Variants in MAPK8IP3 observed in about 807,000 individuals in gnomAD.
MAPK8IP3 encodes the protein mitogen-activated protein kinase 8 interacting protein 3.
A neutral mutation model predicts 157.8 loss-of-function variants in MAPK8IP3; 49 were observed. The observed-to-expected ratio is 0.31, with a 90% confidence interval of 0.25 to 0.39. MAPK8IP3 has a LOEUF of 0.39. Among genes scored for constraint, MAPK8IP3 ranks in the 10% least tolerant of loss-of-function variants. MAPK8IP3 has a pLI of 1.00. For missense variants in MAPK8IP3, 1,478 were observed against 1,889.4 expected (o/e 0.78, Z 4.04); for synonymous variants, 897 against 777.7 (o/e 1.15, Z -2.55).
In MAPK8IP3 at chr16:1,767,311, AGG is replaced by A. The variant is rs761438900; in HGVS notation, c.3237+16_3237+17del. The A allele has an allele frequency of 8.7e-6, 14 of 1,612,518 alleles. No homozygotes were observed. In the South Asian group the frequency reaches 9.9e-5, roughly 11 times the overall value. On this transcript the variant is annotated intron_variant, in intron 26 of 31. Transcript: ENST00000610761. Reference sequence around the variant, plus strand: ...ATGCAGATAGAGGCGAGTGCCGGCCAGGGCCCCGGGGAGGGGAAGAGGCTCCT... The same window carrying A: ...ATGCAGATAGAGGCGAGTGCCGGCCAGCCCCGGGGAGGGGAAGAGGCTCCT...
At chr16:1,765,273 G>A (rs1316443594) in intron 20 of MAPK8IP3, 95 bp downstream of exon 20, 34 of 1,390,720 alleles carry the variant, frequency 2.4e-5, no homozygotes, top group Non-Finnish European at 3.1e-5. Flanking sequence ...GCCTTCTCGG[G>A]GTGTCCTGTG....
chr16:1,755,969 TA>T (rs760592243), intron 8 of MAPK8IP3, among the ~76,000 whole-genome samples: 3 of 151,896 alleles, frequency 2.0e-5, no homozygotes, highest in Non-Finnish European at 2.9e-5. Context: ...ACTTTTTCCC[TA>T]AAAGATTGAA....
rs376826067 is a variant in MAPK8IP3 at position 1,748,582 on chromosome 16, C to T, written c.1098-20C>T. On this transcript the variant is annotated intron_variant, in intron 7 of 31. Transcript: ENST00000610761. The stretch of plus-strand genomic sequence containing the variant: ...TGCCCACTGACTCTGCTCTCTCTCC[C>T]GACCTGTGGATCCCAACAGCCCAAC... 15 of 1,594,830 alleles carry T rather than the reference C, an allele frequency of 9.4e-6. No individual in the cohort carries two copies. In the East Asian group the frequency reaches 1.1e-4, roughly 12 times the overall value.
intron 12 of MAPK8IP3, among the ~76,000 whole-genome samples, chr16:1,761,017 G>T (rs2041902292): frequency 6.6e-6 from 1 of 152,230 alleles, no homozygotes; most frequent in African/African-American, 2.4e-5. Flanking sequence ...CACTCATGCA[G>T]CAGTGGCTCA....
chr16:1,762,001 C>T (rs555018789), intron 13 of MAPK8IP3, among the ~76,000 whole-genome samples: 3 of 152,280 alleles, frequency 2.0e-5, no homozygotes, highest in Admixed American at 1.3e-4. Flanking sequence ...CCTGGGGACT[C>T]GCCGGCTGTT....
intron 4 of MAPK8IP3, among the ~76,000 whole-genome samples, chr16:1,731,456 T>C (rs564108266): frequency 8.5e-5 from 13 of 152,326 alleles, no homozygotes; most frequent in African/African-American, 1.4e-4. Flanking sequence ...TGCTCTGCCC[T>C]CCTCTTCACC....
chr16:1,762,621 G>A, intron 14 of MAPK8IP3, 54 bp from the exon 15 acceptor site: 10 of 1,544,248 alleles, frequency 6.5e-6, no homozygotes, highest in Non-Finnish European at 8.7e-6. Context: ...GAGAGTCGCA[G>A]GTAAGGGAGG....
intron 10 of MAPK8IP3, among the ~76,000 whole-genome samples, chr16:1,759,603 G>A (rs997349007): frequency 5.9e-5 from 9 of 152,154 alleles, no homozygotes; most frequent in Non-Finnish European, 8.8e-5. Flanking sequence ...TCCCCTCACC[G>A]CAGCTCCAAC....
Position 1,765,177 on chromosome 16 carries a change from C to A in MAPK8IP3, c.2445C>A (p.Pro815=). 1 of 1,588,768 alleles carries A rather than the reference C, an allele frequency of 6.3e-7. No individual in the cohort carries two copies. The highest frequency in any genetic ancestry group is 2.3e-5 in the East Asian group (1 of 43,992). The change falls in exon 20 of 32, where the codon CCC becomes CCA. Residue 815 remains proline, a splice_region_variant and synonymous_variant. Transcript: ENST00000610761. ...NAHVLCISSI[P]AASDSDYPPG... Reference sequence around the variant, plus strand: ...ACGTGCTGTGCATCTCCAGCATCCCCGGTGAGCAGCTGGAGTGGGCGTTTC... The same window carrying A: ...ACGTGCTGTGCATCTCCAGCATCCCAGGTGAGCAGCTGGAGTGGGCGTTTC...
chr16:1,762,647 A>AGGTT (rs2042019573), intron 14 of MAPK8IP3, 28 bp from the exon 15 acceptor site: 3 of 1,541,932 alleles, frequency 1.9e-6, no homozygotes, highest in Admixed American at 1.9e-5. Flanking sequence ...GGGCACTAGC[A>AGGTT]GGTTGCTCCC....
rs1006689331 is a variant in MAPK8IP3, at chr16:1,710,623, G to A, written c.318+3966G>A. On this transcript the variant is annotated intron_variant, in intron 1 of 31. Transcript: ENST00000610761. The surrounding 1 kb of genome is among the most constrained non-coding windows in gnomAD (Gnocchi z 4.1). ...TTTTCCTTCTTTTTTTCTCCTCTGC[G>A]CCAGACGATCTGCAGGAAGTCTTTT... 2.6e-5 allele frequency among the ~76,000 whole-genome samples: 4 copies of A among 152,054 alleles called. No homozygotes were observed. The highest frequency in any genetic ancestry group is 4.4e-5 in the Non-Finnish European group (3 of 68,008).
intron 4 of MAPK8IP3, among the ~76,000 whole-genome samples, chr16:1,735,776 TGAGA>T (rs371703327): frequency 6.2e-5 from 8 of 129,864 alleles, no homozygotes; most frequent in South Asian, 2.8e-4. Flanking sequence ...ACCGTCCATG[TGAGA>T]GTGTGACCGT....
intron 29 of MAPK8IP3, 24 bp from the exon 30 acceptor site, chr16:1,768,175 C>T (rs200920722): frequency 9.2e-5 from 148 of 1,611,782 alleles, no homozygotes; most frequent in Admixed American, 1.2e-4. Context: ...GCGGGCTCAG[C>T]GCCTCTGGGT....
intron 30 of MAPK8IP3, 22 bp downstream of exon 30, chr16:1,768,400 C>T: frequency 6.3e-7 from 1 of 1,598,180 alleles, no homozygotes; most frequent in Non-Finnish European, 8.5e-7. Context: ...CCCCTCCTGC[C>T]ATCCACATCC....
In MAPK8IP3 at chr16:1,743,637, CAG is replaced by C. The variant is rs1381199369; in HGVS notation, c.747+162_747+163del. 17 of 1,443,476 alleles carry C rather than the reference CAG, an allele frequency of 1.2e-5. No homozygotes were observed. Among genetic ancestry groups the C allele is most frequent in the East Asian group, 2.7e-5 (1 of 36,654 alleles). 89.4% of individuals were successfully genotyped at this position (1,443,476 alleles called of 1,614,324 possible). ...GGATGGAGAAACCCAGCCAGGGTGT[CAG>C]GGGCTCAGGCTGCCCAGCAGGCCCT... On this transcript the variant is annotated intron_variant, in intron 5 of 31. Coordinates refer to ENST00000610761, the MANE Select transcript of MAPK8IP3 (RefSeq NM_001318852.2). The surrounding 1 kb of genome is among the most constrained non-coding windows in gnomAD (Gnocchi z 5.6).
At position 1,760,509 on chromosome 16, in the gene MAPK8IP3, G is replaced by A; in HGVS notation, c.1434G>A (p.Lys478=). 6.2e-7 allele frequency: 1 copy of A among 1,613,572 alleles called. No individual in the cohort carries two copies. The highest frequency in any genetic ancestry group is 1.1e-5 in the South Asian group (1 of 91,062). ...AAGTCAAGCTGGAAAACCGTATCAAGGAGCTGGAAGAGGAACTGAAAAGGT... is the reference window on the plus strand; with the variant it reads ...AAGTCAAGCTGGAAAACCGTATCAAAGAGCTGGAAGAGGAACTGAAAAGGT... The part of the protein sequence containing the change: ...QAKVKLENRI[K]ELEEELKRVK... The change falls in exon 12 of 32, where the codon AAG becomes AAA. Residue 478 remains lysine (K), a synonymous_variant. Coordinates refer to ENST00000610761, the MANE Select transcript of MAPK8IP3 (RefSeq NM_001318852.2).
rs1369817036 is a variant in MAPK8IP3, at chr16:1,739,554, C to T, written c.603-3778C>T. 7.5e-5 allele frequency among the ~76,000 whole-genome samples: 7 copies of T among 93,202 alleles called. 1 individual carries two copies. The highest frequency in any genetic ancestry group is 3.1e-4 in the African/African-American group (7 of 22,838). 61.1% of individuals were successfully genotyped at this position (93,202 alleles called of 152,430 possible). On this transcript the variant is annotated intron_variant, in intron 4 of 31. Transcript: ENST00000610761. ...TCCGTGTGACCATCCGTGTGAGCAT[C>T]TGTGTGACCGTTCGTGTGTGTGTGA...
intron 6 of MAPK8IP3, among the ~76,000 whole-genome samples, chr16:1,747,998 A>G (rs1751498027): frequency 6.6e-6 from 1 of 152,208 alleles, no homozygotes; most frequent in Admixed American, 6.5e-5. Flanking sequence ...GACTGGGCTT[A>G]CTGCTGACAC....
intron 1 of MAPK8IP3, among the ~76,000 whole-genome samples, chr16:1,711,980 C>G (rs994575346): frequency 6.7e-6 from 1 of 149,452 alleles, no homozygotes; most frequent in African/African-American, 2.4e-5. Context: ...AAACTGAGGT[C>G]CCGAGCTCCC....
Sources: allele counts gnomAD v4.1 joint callset (sites outside exome capture counted in the v4.1 genomes callset), GRCh38; gene constraint gnomAD v4.1.1; non-coding constraint Gnocchi (gnomAD v3.1); transcripts MANE v1.5; gene names NCBI Gene and HGNC (gene_info 2026-07-23, HGNC 2026-07-21).